Variants in ALG12 observed in about 807,000 individuals in gnomAD.
The protein encoded by ALG12 is ALG12 alpha-1,6-mannosyltransferase.
Under a neutral mutation model 46.0 loss-of-function variants are expected in ALG12, and 36 were observed. The ratio of observed to expected loss-of-function variants is 0.78; its 90% confidence interval spans 0.60 to 1.03. The LOEUF is 1.03. Among genes scored for constraint, ALG12 ranks in the 50% least tolerant of loss-of-function variants. The pLI is 0.00. For missense variants in ALG12, 599 were observed against 633.5 expected (o/e 0.95, Z 0.58); for synonymous variants, 326 against 291.6 (o/e 1.12, Z -1.20).
chr22:49,863,793 A>G, the ALG12 span, among the ~76,000 whole-genome samples: 1 of 152,246 alleles, frequency 6.6e-6, no homozygotes, highest in African/African-American at 2.4e-5. Context: ...AGTTTTCACA[A>G]TGATGAATCA....
At chr22:49,887,444 C>T in the ALG12 span, 18 of 338,886 alleles carry the variant, frequency 5.3e-5, no homozygotes, top group Middle Eastern at 2.7e-3. Flanking sequence ...AATTCATAAC[C>T]GTAAAGTTTT....
At chr22:49,893,009 T>A in the ALG12 span, among the ~76,000 whole-genome samples, 1 of 152,162 alleles carries the variant, frequency 6.6e-6, no homozygotes, top group Non-Finnish European at 1.5e-5. Flanking sequence ...CCAGAGAGAA[T>A]CTGTAAACGT....
At chr22:49,877,360 C>T in the ALG12 span, among the ~76,000 whole-genome samples, 1 of 151,936 alleles carries the variant, frequency 6.6e-6, no homozygotes, top group East Asian at 1.9e-4. Flanking sequence ...GGTGCGATCT[C>T]AGCTCACTGC....
chr22:49,909,393 G>A lies in ALG12; in HGVS notation c.665-46C>T, dbSNP rs941528178. On this transcript the variant is annotated intron_variant, in intron 5 of 9. Transcript: ENST00000330817. ...TTCTTAGTCGCAAACACAGCCATCAGTAAACATCCCGCCACAATGCAGCCC... is the reference window on the plus strand; with the variant it reads ...TTCTTAGTCGCAAACACAGCCATCAATAAACATCCCGCCACAATGCAGCCC... 2.6e-6 allele frequency: 4 copies of A among 1,551,724 alleles called. No homozygotes were observed. In the African/African-American group the frequency reaches 5.5e-5, roughly 21 times the overall value.
chr22:49,863,291 C>T, the ALG12 span, among the ~76,000 whole-genome samples: 1 of 152,156 alleles, frequency 6.6e-6, no homozygotes, highest in Non-Finnish European at 1.5e-5. Context: ...TCCCTAATAA[C>T]TGGGACCACA....
the ALG12 span, chr22:49,883,679 A>G: frequency 3.8e-5 from 60 of 1,585,116 alleles, no homozygotes; most frequent in Non-Finnish European, 5.2e-5. Context: ...AATAACTTGA[A>G]AACTTGTCCC....
chr22:49,917,998 GAGGTCGGGCCCCCGGATGA>G (rs2060626568), intron 1 of ALG12, among the ~76,000 whole-genome samples: 1 of 151,542 alleles, frequency 6.6e-6, no homozygotes, highest in African/African-American at 2.4e-5. Flanking sequence ...CCCCAGGTGA[GAGGTCGGGCCCCCGGATGA>G]GAGGTCCGGC....
the ALG12 span, chr22:49,886,223 G>A: frequency 5.7e-6 from 5 of 877,090 alleles, no homozygotes; most frequent in South Asian, 3.0e-5. This position sits in a 1 kb window ranked among gnomAD's most constrained non-coding sequence, Gnocchi z 7.7. Flanking sequence ...AGCCTCGCCC[G>A]GAAGATCTGC....
In ALG12 at chr22:49,900,571, A is replaced by T. The variant is rs2060499849; in HGVS notation, c.*3267T>A. 1 of 152,228 alleles carries T rather than the reference A, an allele frequency of 6.6e-6. No individual in the cohort carries two copies. Among genetic ancestry groups the T allele is most frequent in the African/African-American group, 2.4e-5 (1 of 41,442 alleles). 9.4% of individuals were successfully genotyped at this position (152,228 alleles called of 1,614,324 possible). On this transcript the variant is annotated 3_prime_UTR_variant, in exon 10 of 10. Coordinates refer to ENST00000330817, the MANE Select transcript of ALG12 (RefSeq NM_024105.4). Reference sequence around the variant, plus strand: ...ACCCGCAGTTGTGGGCAGGGAGTGAACTGCACACAATCCCGACCTCTTCAT... The same window carrying T: ...ACCCGCAGTTGTGGGCAGGGAGTGATCTGCACACAATCCCGACCTCTTCAT...
At chr22:49,870,639 G>A in the ALG12 span, among the ~76,000 whole-genome samples, 2 of 152,006 alleles carry the variant, frequency 1.3e-5, no homozygotes, top group Admixed American at 1.3e-4. Context: ...AGAAGTATCT[G>A]TTCATGTCCT....
chr22:49,882,675 A>G, the ALG12 span, among the ~76,000 whole-genome samples: 1 of 152,148 alleles, frequency 6.6e-6, no homozygotes, highest in Non-Finnish European at 1.5e-5. Context: ...AGCGTTTACC[A>G]TAGCTGGAAT....
the ALG12 span, among the ~76,000 whole-genome samples, chr22:49,880,379 C>A: frequency 6.6e-6 from 1 of 152,256 alleles, no homozygotes; most frequent in South Asian, 2.1e-4. Flanking sequence ...CTCCGCAGGT[C>A]TGCGTAGCTC....
the ALG12 span, among the ~76,000 whole-genome samples, chr22:49,865,899 TG>T: frequency 6.6e-6 from 1 of 150,498 alleles, no homozygotes; most frequent in African/African-American, 2.5e-5. Flanking sequence ...TTTGTAGAGC[TG>T]GGGGTCTCAC....
At chr22:49,890,225 T>G in the ALG12 span, 1 of 152,216 alleles carries the variant, frequency 6.6e-6, no homozygotes, top group Admixed American at 6.5e-5. Context: ...GAGGATTACT[T>G]GAGCCCAGGA....
chr22:49,903,357 G>A lies in ALG12; in HGVS notation c.*481C>T. The A allele has an allele frequency of 2.2e-6, 1 of 458,020 alleles. No individual in the cohort carries two copies. The highest frequency in any genetic ancestry group is 4.4e-6 in the Non-Finnish European group (1 of 228,380). 28.4% of individuals were successfully genotyped at this position (458,020 alleles called of 1,614,324 possible). ...GTTGCAGTGGTGGCACCAGGGTGGG[G>A]GGGTGCGGCCGGGGCCACCATGGTC... On this transcript the variant is annotated 3_prime_UTR_variant, in exon 10 of 10. Coordinates refer to ENST00000330817, the MANE Select transcript of ALG12 (RefSeq NM_024105.4).
At chr22:49,887,291 C>A in the ALG12 span, 2 of 1,130,694 alleles carry the variant, frequency 1.8e-6, no homozygotes, top group Non-Finnish European at 2.5e-6. Flanking sequence ...ACCAGGCACT[C>A]TCAGGGCCGC....
At chr22:49,859,792 G>A in the ALG12 span, among the ~76,000 whole-genome samples, 8 of 152,366 alleles carry the variant, frequency 5.3e-5, no homozygotes, top group East Asian at 1.2e-3. Flanking sequence ...TTGGGAGGCT[G>A]AGGTGGGGAG....
At chr22:49,883,808 T>C in the ALG12 span, 8 of 1,613,060 alleles carry the variant, frequency 5.0e-6, no homozygotes, top group Non-Finnish European at 6.8e-6. Flanking sequence ...CAGGAGGACA[T>C]GAAGCAGACA....
At chr22:49,910,717 C>T (rs2060572007) in intron 3 of ALG12, 110 bp from the exon 4 acceptor site, 4 of 1,299,196 alleles carry the variant, frequency 3.1e-6, no homozygotes, top group Admixed American at 3.5e-5. Context: ...TTCTATGCTG[C>T]TGCAATGCCA....
Sources: gnomAD v4.1 joint callset for allele counts (sites outside exome capture counted in the v4.1 genomes callset) on GRCh38, gnomAD v4.1.1 for gene constraint, Gnocchi (gnomAD v3.1) non-coding constraint, MANE v1.5 for transcripts, NCBI Gene and HGNC (gene_info 2026-07-23, HGNC 2026-07-21) for gene names.